The following MCM9 variants were observed in gnomAD, a reference collection of about 807,000 sequenced individuals.
The protein encoded by MCM9 is minichromosome maintenance 9 homologous recombination repair factor.
Under a neutral mutation model 72.8 loss-of-function variants are expected in MCM9, and 55 were observed. The observed-to-expected ratio is 0.76, with a 90% CI of 0.61 to 0.95. MCM9 has a LOEUF of 0.95. MCM9 is among the 40% of genes least tolerant of loss of function. MCM9 has a pLI of 0.00. For synonymous variants in MCM9, 480 were observed against 503.4 expected, an observed-to-expected ratio of 0.95 and a Z score of 0.62; for missense variants, 1,279 against 1,377.0, an observed-to-expected ratio of 0.93 and a Z score of 1.13.
chr6:118,824,621 T>C (rs1291658716), intron 13 of MCM9, among the ~76,000 whole-genome samples: 1 of 152,228 alleles, frequency 6.6e-6, no homozygotes, highest in East Asian at 1.9e-4. Context: ...CACTCTGTTT[T>C]GAGGCACATA....
intron 8 of MCM9, among the ~76,000 whole-genome samples, chr6:118,903,920 T>C (rs2114538711): frequency 6.6e-6 from 1 of 152,296 alleles, no homozygotes; most frequent in African/African-American, 2.4e-5. Flanking sequence ...TTAAAGAACC[T>C]GTGTGATTCA....
At chr6:118,867,338 C>G (rs563092276) in intron 8 of MCM9, among the ~76,000 whole-genome samples, 4 of 152,224 alleles carry the variant, frequency 2.6e-5, no homozygotes, top group Middle Eastern at 3.4e-3. Context: ...TCCATTATAA[C>G]GCTGTAACAC....
chr6:118,916,476 T>C (rs1386979167), intron 6 of MCM9, among the ~76,000 whole-genome samples: 1 of 144,860 alleles, frequency 6.9e-6, no homozygotes, highest in Non-Finnish European at 1.5e-5. Flanking sequence ...ATTATTATTA[T>C]GAGACAGAGT....
chr6:118,837,643 T>G (rs182693490), intron 9 of MCM9, among the ~76,000 whole-genome samples: 1 of 152,282 alleles, frequency 6.6e-6, no homozygotes, highest in African/African-American at 2.4e-5. Context: ...TGCCTTTTTT[T>G]ATCTTAGTTG....
chr6:118,851,549 A>G (rs898323873), intron 9 of MCM9, among the ~76,000 whole-genome samples: 2 of 151,892 alleles, frequency 1.3e-5, no homozygotes, highest in African/African-American at 4.9e-5. Context: ...ATAGAATGCT[A>G]GTTTTACAAT....
chr6:118,872,704 T>C (rs965324917), intron 8 of MCM9, among the ~76,000 whole-genome samples: 5 of 151,884 alleles, frequency 3.3e-5, no homozygotes, highest in Non-Finnish European at 7.4e-5. Context: ...AGTTGTAGGA[T>C]ACAGCAAAAG....
chr6:118,837,240 G>A (rs970416222), intron 9 of MCM9, among the ~76,000 whole-genome samples: 3 of 152,132 alleles, frequency 2.0e-5, no homozygotes, highest in Non-Finnish European at 4.4e-5. Flanking sequence ...TGTTTGTTAT[G>A]ATTTTCACTC....
At chr6:118,894,568 G>T (rs965265591) in intron 8 of MCM9, 1 of 1,462,510 alleles carries the variant, frequency 6.8e-7, no homozygotes, top group African/African-American at 1.4e-5. Context: ...GCGGGCTGCA[G>T]ACGTTGAAAG....
At chr6:118,831,411 TGTCTGAGGTGAA>T (rs370109553) in intron 9 of MCM9, among the ~76,000 whole-genome samples, 47 of 150,122 alleles carry the variant, frequency 3.1e-4, no homozygotes, top group African/African-American at 1.1e-3. Flanking sequence ...GAAAAAAGGC[TGTCTGAGGTGAA>T]GTCAGCAGAA....
At chr6:118,863,256 T>C (rs1187247501) in intron 8 of MCM9, among the ~76,000 whole-genome samples, 2 of 152,226 alleles carry the variant, frequency 1.3e-5, no homozygotes, top group Non-Finnish European at 2.9e-5. Context: ...AAATTAGGAA[T>C]ATTCTGTCAT....
chr6:118,885,098 A>T (rs906887066), intron 8 of MCM9, among the ~76,000 whole-genome samples: 24 of 152,212 alleles, frequency 1.6e-4, no homozygotes, highest in Non-Finnish European at 2.9e-5. Context: ...CAGGAGGCTG[A>T]GGCAGGAGAA....
In MCM9 at chr6:118,935,089, G is replaced by A. The variant is rs531150850; in HGVS notation, c.-348C>T. 32 of 152,212 alleles carry A rather than the reference G, an allele frequency of 2.1e-4. No individual in the cohort carries two copies. The highest frequency in any genetic ancestry group is 7.7e-4 in the African/African-American group (32 of 41,552). 9.4% of individuals were successfully genotyped at this position (152,212 alleles called of 1,614,324 possible). A position where few individuals can be genotyped will look rare whatever the true frequency, so the allele number is the denominator to read the frequency against. ...GCGGCCTAGCGCCTGCGGCTCTGCC[G>A]GGCCTGCGCTCTCGACCGACGCCGG... is the stretch of plus-strand genomic sequence containing the variant. On this transcript the variant is annotated 5_prime_UTR_variant, in exon 1 of 14. Coordinates refer to ENST00000619706, the MANE Select transcript of MCM9 (RefSeq NM_017696.3).
At chr6:118,934,479 G>C (rs1380325667) in intron 1 of MCM9, 2 of 151,858 alleles carry the variant, frequency 1.3e-5, no homozygotes, top group African/African-American at 4.8e-5. Context: ...CGGGAATCGC[G>C]GCAGCCCCGC....
chr6:118,915,994 T>TAATA (rs1385915460), intron 6 of MCM9, among the ~76,000 whole-genome samples: 3 of 152,058 alleles, frequency 2.0e-5, no homozygotes, highest in Non-Finnish European at 4.4e-5. Flanking sequence ...TGTGACACTG[T>TAATA]AATAAATAAA....
At chr6:118,836,633 A>G (rs1054880719) in intron 9 of MCM9, among the ~76,000 whole-genome samples, 3 of 152,170 alleles carry the variant, frequency 2.0e-5, no homozygotes, top group Admixed American at 2.0e-4. Flanking sequence ...TTGTTTCTGT[A>G]GAAGTATTTA....
At chr6:118,845,162 T>C (rs1170204352) in intron 9 of MCM9, among the ~76,000 whole-genome samples, 2 of 151,812 alleles carry the variant, frequency 1.3e-5, no homozygotes, top group Admixed American at 6.6e-5. Flanking sequence ...AACAGCTGAA[T>C]AAGCCTAAAA....
intron 8 of MCM9, among the ~76,000 whole-genome samples, chr6:118,857,910 T>C (rs1394499106): frequency 6.6e-6 from 1 of 152,114 alleles, no homozygotes; most frequent in Non-Finnish European, 1.5e-5. Context: ...GGCTTCATAG[T>C]GAATTCTACC....
At chr6:118,823,649 G>C (rs986079040) in intron 13 of MCM9, among the ~76,000 whole-genome samples, 1 of 152,166 alleles carries the variant, frequency 6.6e-6, no homozygotes, top group African/African-American at 2.4e-5. Context: ...CCTTTAGAAA[G>C]CCTTTCCTGA....
At position 118,913,413 on chromosome 6, in the gene MCM9, ATTCC is replaced by A. The variant is rs1400324088; in HGVS notation, c.908_911del (p.Arg303MetfsTer2). The A allele has an allele frequency of 6.2e-7, 1 of 1,612,396 alleles. No homozygotes were observed. Among genetic ancestry groups the A allele is most frequent in the Non-Finnish European group, 8.5e-7 (1 of 1,179,588 alleles). ...GAGGGCACAAGCTAGCCAATATTAC[ATTCC>A]TTCCTAGGAAAAGCAGAAAGATCAG... On this transcript the variant is annotated frameshift_variant, in exon 7 of 14. Coordinates refer to ENST00000619706, the MANE Select transcript of MCM9 (RefSeq NM_017696.3). LOFTEE classifies it high-confidence loss of function.
Sources: gnomAD v4.1 joint callset for allele counts (sites outside exome capture counted in the v4.1 genomes callset) on GRCh38, gnomAD v4.1.1 for gene constraint, MANE v1.5 for transcripts, NCBI Gene and HGNC (gene_info 2026-07-23, HGNC 2026-07-21) for gene names.